The following LYRM4 variants were observed in gnomAD, a reference collection of about 807,000 sequenced individuals.
LYRM4 encodes LYR motif containing 4.
In LYRM4, 9 loss-of-function variants were observed where a neutral mutation model predicts 11.7. That is an observed-to-expected ratio of 0.77 (90% CI 0.46 to 1.34). The LOEUF (loss-of-function observed/expected upper bound fraction) is 1.34. Among genes scored for constraint, LYRM4 ranks in the 40% most tolerant of loss-of-function variants. The probability of loss-of-function intolerance (pLI) is 0.00; values close to 1 mark genes in which losing one functional copy is unlikely to be tolerated. For missense variants in LYRM4, 133 were observed against 112.5 expected (o/e 1.18, Z -0.82); for synonymous variants, 42 against 40.4 (o/e 1.04, Z -0.15).
At chr6:5,196,692 G>A (rs1761074103) in intron 2 of LYRM4, among the ~76,000 whole-genome samples, 1 of 152,144 alleles carries the variant, frequency 6.6e-6, no homozygotes, top group Non-Finnish European at 1.5e-5. Flanking sequence ...GTATCAGCTT[G>A]GGAAATAGCT....
intron 1 of LYRM4, among the ~76,000 whole-genome samples, chr6:5,255,610 C>A (rs1436943403): frequency 6.6e-6 from 1 of 152,122 alleles, no homozygotes; most frequent in Non-Finnish European, 1.5e-5. Flanking sequence ...TGAAGAACCA[C>A]ATTCTTAAAC....
At chr6:5,092,422 T>A in the LYRM4 span, among the ~76,000 whole-genome samples, 2 of 151,746 alleles carry the variant, frequency 1.3e-5, no homozygotes, top group East Asian at 3.9e-4. Context: ...ACATTATTTT[T>A]AAAAAATGGC....
intron 2 of LYRM4, among the ~76,000 whole-genome samples, chr6:5,180,738 C>G (rs1360074114): frequency 1.3e-5 from 2 of 152,184 alleles, no homozygotes; most frequent in Non-Finnish European, 2.9e-5. Context: ...TCGTGGATAC[C>G]CTTGCTTCAC....
chr6:5,152,618 G>A (rs188464031), intron 2 of LYRM4, among the ~76,000 whole-genome samples: 5 of 152,282 alleles, frequency 3.3e-5, no homozygotes, highest in East Asian at 1.9e-4. Flanking sequence ...TGTTGTACAC[G>A]CTTCCTCCCT....
At chr6:5,182,346 ACC>A (rs1356155434) in intron 2 of LYRM4, among the ~76,000 whole-genome samples, 1 of 152,228 alleles carries the variant, frequency 6.6e-6, no homozygotes, top group African/African-American at 2.4e-5. Context: ...TGTTTTAGTT[ACC>A]CTTCAAGGTG....
chr6:5,184,182 A>C (rs985028712), intron 2 of LYRM4, among the ~76,000 whole-genome samples: 1 of 152,090 alleles, frequency 6.6e-6, no homozygotes, highest in Non-Finnish European at 1.5e-5. Flanking sequence ...AATTTTTTTC[A>C]TACATATTCT....
chr6:5,218,423 T>C (rs144674359), intron 1 of LYRM4: 2 of 979,146 alleles, frequency 2.0e-6, no homozygotes, highest in Admixed American at 6.1e-5. Flanking sequence ...AAAGGACAAA[T>C]TGTTTCAGAT....
At chr6:5,033,290 C>T in the LYRM4 span, 2 of 152,040 alleles carry the variant, frequency 1.3e-5, no homozygotes, top group Non-Finnish European at 2.9e-5. Flanking sequence ...GTTCTTCCTG[C>T]CACACGGAAT....
intron 2 of LYRM4, among the ~76,000 whole-genome samples, chr6:5,203,366 T>C (rs189456366): frequency 6.1e-4 from 93 of 152,334 alleles, no homozygotes; most frequent in African/African-American, 2.1e-3. Context: ...GGACAGCTGC[T>C]TGGTAGGCCT....
downstream of LYRM4, among the ~76,000 whole-genome samples, chr6:5,099,987 T>G (rs2127587840): frequency 6.6e-6 from 1 of 152,334 alleles, no homozygotes; most frequent in African/African-American, 2.4e-5. The surrounding 1 kb of genome is among the most constrained non-coding windows in gnomAD (Gnocchi z 4.3). Flanking sequence ...GATGCAGCCC[T>G]AGACATTTAG....
At chr6:5,141,409 A>G (rs989380269) in intron 2 of LYRM4, among the ~76,000 whole-genome samples, 7 of 152,144 alleles carry the variant, frequency 4.6e-5, no homozygotes, top group African/African-American at 1.4e-4. Context: ...TGCAAAAGCC[A>G]CTCAAGCTTC....
the LYRM4 span, chr6:5,066,558 C>T: frequency 2.2e-6 from 2 of 896,768 alleles, no homozygotes; most frequent in Non-Finnish European, 3.8e-6. Context: ...TTGTAGTTTT[C>T]CATCCAGATT....
downstream of LYRM4, chr6:5,108,361 G>T: frequency 1.2e-6 from 1 of 863,778 alleles, no homozygotes; most frequent in Non-Finnish European, 1.4e-6. Flanking sequence ...CTCCCCAGAT[G>T]ACAAGCAAGT....
chr6:5,097,267 T>C, the LYRM4 span, among the ~76,000 whole-genome samples: 2 of 152,150 alleles, frequency 1.3e-5, no homozygotes. Flanking sequence ...TATATCTATA[T>C]GTTTGAGACA....
At chr6:5,126,354 G>A (rs1263522588) in intron 2 of LYRM4, among the ~76,000 whole-genome samples, 1 of 152,196 alleles carries the variant, frequency 6.6e-6, no homozygotes, top group Non-Finnish European at 1.5e-5. Context: ...TCAAGACCCT[G>A]GGGAGATCGG....
the LYRM4 span, among the ~76,000 whole-genome samples, chr6:5,056,070 C>T: frequency 6.6e-6 from 1 of 152,100 alleles, no homozygotes; most frequent in African/African-American, 2.4e-5. Flanking sequence ...GGCTATTCAA[C>T]AAGTGCCATC....
At chr6:5,040,357 A>ATACG in the LYRM4 span, among the ~76,000 whole-genome samples, 1 of 136,176 alleles carries the variant, frequency 7.3e-6, no homozygotes, top group African/African-American at 3.5e-5. Context: ...AGATAGATAC[A>ATACG]TACATACATA....
intron 2 of LYRM4, among the ~76,000 whole-genome samples, chr6:5,112,107 G>C (rs1287043240): frequency 1.3e-5 from 2 of 152,188 alleles, no homozygotes; most frequent in Non-Finnish European, 2.9e-5. Flanking sequence ...CTCCGGAAGG[G>C]AGGGCGCTCT....
intron 2 of LYRM4, among the ~76,000 whole-genome samples, chr6:5,200,615 A>G (rs1761332577): frequency 6.6e-6 from 1 of 152,208 alleles, no homozygotes; most frequent in Non-Finnish European, 1.5e-5. Context: ...ACAAAAACCA[A>G]AGACAGCTTG....
Sources: allele counts gnomAD v4.1 joint callset (sites outside exome capture counted in the v4.1 genomes callset), GRCh38; gene constraint gnomAD v4.1.1; non-coding constraint Gnocchi (gnomAD v3.1); transcripts MANE v1.5; gene names NCBI Gene and HGNC (gene_info 2026-07-23, HGNC 2026-07-21).